The following ZFAT variants were observed in gnomAD, a reference collection of about 807,000 sequenced individuals.
The protein encoded by ZFAT is zinc finger and AT-hook domain containing, also known as zinc finger protein ZFAT.
In ZFAT, 64 loss-of-function variants were observed where a neutral mutation model predicts 117.7. That is an observed-to-expected ratio of 0.54 (90% CI 0.44 to 0.67). ZFAT has a LOEUF of 0.67. ZFAT is among the 30% of genes least tolerant of loss of function. ZFAT has a pLI of 0.00. For missense variants in ZFAT, 1,433 were observed against 1,584.5 expected, an observed-to-expected ratio of 0.90 and a Z score of 1.62; for synonymous variants, 679 against 615.0, an observed-to-expected ratio of 1.10 and a Z score of -1.54.
intron 10 of ZFAT, among the ~76,000 whole-genome samples, chr8:134,581,223 G>A (rs1825689049): frequency 6.6e-6 from 1 of 151,832 alleles, no homozygotes. Flanking sequence ...CTAGAACAAG[G>A]GGTCTATGAC....
At chr8:134,607,241 A>T (rs1827955709) in intron 5 of ZFAT, among the ~76,000 whole-genome samples, 1 of 152,238 alleles carries the variant, frequency 6.6e-6, no homozygotes, top group African/African-American at 2.4e-5. Flanking sequence ...GATTTTAGAG[A>T]CTTAATTCTA....
intron 15 of ZFAT, among the ~76,000 whole-genome samples, chr8:134,504,969 G>T (rs943060980): frequency 3.3e-5 from 5 of 152,086 alleles, no homozygotes; most frequent in African/African-American, 9.7e-5. Flanking sequence ...CCAGACCCAG[G>T]TACACGGGCC....
intron 9 of ZFAT, among the ~76,000 whole-genome samples, chr8:134,584,661 T>A (rs1377241550): frequency 6.6e-6 from 1 of 152,202 alleles, no homozygotes; most frequent in East Asian, 1.9e-4. Flanking sequence ...ACTGAGGACC[T>A]ATTTTCATAG....
At chr8:134,752,162 C>A in the ZFAT span, among the ~76,000 whole-genome samples, 1 of 152,186 alleles carries the variant, frequency 6.6e-6, no homozygotes, top group Non-Finnish European at 1.5e-5. Flanking sequence ...CTTTGCAGAT[C>A]TCCTAGCTGG....
At chr8:134,765,438 A>C in the ZFAT span, 1 of 152,228 alleles carries the variant, frequency 6.6e-6, no homozygotes, top group East Asian at 1.9e-4. Context: ...AGCAAACCCT[A>C]TTTTGGCTAA....
the ZFAT span, among the ~76,000 whole-genome samples, chr8:134,768,374 C>T: frequency 6.6e-6 from 1 of 152,204 alleles, no homozygotes; most frequent in Non-Finnish European, 1.5e-5. Flanking sequence ...GACTGCTCCC[C>T]TGACCAGTTG....
At chr8:134,691,712 C>A (rs993280368) in intron 1 of ZFAT, among the ~76,000 whole-genome samples, 3 of 152,204 alleles carry the variant, frequency 2.0e-5, no homozygotes, top group Non-Finnish European at 4.4e-5. Flanking sequence ...AATATGACCA[C>A]GATTTGTAAT....
chr8:134,578,316 C>A (rs751831769), intron 10 of ZFAT, among the ~76,000 whole-genome samples: 1 of 147,842 alleles, frequency 6.8e-6, no homozygotes, highest in East Asian at 2.0e-4. Flanking sequence ...GAGGCTGAGG[C>A]AGGAGAATCG....
chr8:134,759,947 G>C, the ZFAT span, among the ~76,000 whole-genome samples: 6 of 134,366 alleles, frequency 4.5e-5, no homozygotes, highest in African/African-American at 1.7e-4. Flanking sequence ...CTCCAGACTG[G>C]GCAACAGAGC....
At chr8:134,799,528 A>T in the ZFAT span, among the ~76,000 whole-genome samples, 2 of 152,356 alleles carry the variant, frequency 1.3e-5, no homozygotes, top group South Asian at 4.1e-4. Context: ...ATATAGAACT[A>T]ATTATCAGGT....
intron 2 of ZFAT, among the ~76,000 whole-genome samples, chr8:134,645,124 T>C (rs1563720567): frequency 1.3e-5 from 2 of 152,208 alleles, no homozygotes; most frequent in Non-Finnish European, 2.9e-5. Context: ...GACCACTTCC[T>C]ACATGAGCAA....
intron 11 of ZFAT, among the ~76,000 whole-genome samples, chr8:134,558,515 G>A (rs765009322): frequency 2.0e-5 from 3 of 152,004 alleles, no homozygotes; most frequent in Non-Finnish European, 2.9e-5. Context: ...CAACAATTCC[G>A]AACAACAAGA....
At chr8:134,663,066 C>T (rs374694658) in intron 1 of ZFAT, among the ~76,000 whole-genome samples, 2 of 152,246 alleles carry the variant, frequency 1.3e-5, no homozygotes, top group African/African-American at 2.4e-5. Flanking sequence ...GGGCCAAGAG[C>T]GCCAAAGACA....
At chr8:134,677,980 C>T (rs962545645) in intron 1 of ZFAT, among the ~76,000 whole-genome samples, 42 of 152,208 alleles carry the variant, frequency 2.8e-4, no homozygotes, top group Admixed American at 4.6e-4. Context: ...GACAAACCCA[C>T]AGCCAATATC....
At chr8:134,609,961 G>C (rs1354622357) in intron 4 of ZFAT, among the ~76,000 whole-genome samples, 2 of 152,196 alleles carry the variant, frequency 1.3e-5, no homozygotes, top group South Asian at 2.1e-4. Context: ...TCTAACCTTT[G>C]AGAGATGGAA....
intron 1 of ZFAT, among the ~76,000 whole-genome samples, chr8:134,682,210 T>C (rs1398354587): frequency 2.6e-5 from 4 of 152,196 alleles, no homozygotes; most frequent in African/African-American, 4.8e-5. Context: ...GTTTTATTAT[T>C]GTATTTCCTC....
the ZFAT span, among the ~76,000 whole-genome samples, chr8:134,769,562 C>T: frequency 3.9e-5 from 6 of 152,168 alleles, no homozygotes; most frequent in African/African-American, 1.4e-4. Flanking sequence ...GTGTCTGCAG[C>T]TTTTCCAGGT....
the ZFAT span, among the ~76,000 whole-genome samples, chr8:134,767,485 C>A: frequency 6.6e-6 from 1 of 152,132 alleles, no homozygotes; most frequent in African/African-American, 2.4e-5. Context: ...CATGGTATAA[C>A]TTAATTCCAT....
At position 134,565,707 on chromosome 8, in the gene ZFAT, G is replaced by A. The variant is rs181242535; in HGVS notation, c.2888-286C>T. ...TCAGGCTCCTAAAGAAAGAGTAAGG[G>A]TGTGTCCAGCTGCCCAGAGAGAAGG... On this transcript the variant is annotated intron_variant, in intron 10 of 15. Transcript: ENST00000377838. The A allele has an allele frequency of 9.8e-3, 4,972 of 506,234 alleles. 54 individuals carry two copies. The highest frequency in any genetic ancestry group is 0.011 in the Non-Finnish European group (3,215 of 279,592). The allele number at this position is 506,234 out of a possible 1,614,324, so 31.4% of individuals were successfully genotyped here.
Sources: allele counts gnomAD v4.1 joint callset (sites outside exome capture counted in the v4.1 genomes callset), GRCh38; gene constraint gnomAD v4.1.1; transcripts MANE v1.5; gene names NCBI Gene and HGNC (gene_info 2026-07-23, HGNC 2026-07-21).